LRP1B: variants seen among roughly 807,000 people sequenced by gnomAD.
LRP1B encodes the protein low-density lipoprotein receptor-related protein 1B.
A neutral mutation model predicts 556.6 loss-of-function variants in LRP1B; 217 were observed. The ratio of observed to expected loss-of-function variants is 0.39; its 90% CI spans 0.35 to 0.44. The LOEUF (loss-of-function observed/expected upper bound fraction) is 0.44, where lower values mean the gene tolerates loss of function less well. Ranked by LOEUF, LRP1B falls within the 20% of genes least tolerant of loss-of-function variation. LRP1B has a pLI of 1.00. For missense variants in LRP1B, 5,053 were observed against 5,620.8 expected (o/e 0.90, Z 3.23); for synonymous variants, 2,047 against 1,865.8 (o/e 1.10, Z -2.50).
At chr2:141,084,699 G>A (rs908655159) in intron 7 of LRP1B, among the ~76,000 whole-genome samples, 1 of 150,316 alleles carries the variant, frequency 6.7e-6, no homozygotes, top group Non-Finnish European at 1.5e-5. Context: ...CCCCAGACTG[G>A]AGTGCAGTGG....
chr2:141,263,075 C>A (rs978083002), intron 3 of LRP1B, among the ~76,000 whole-genome samples: 4 of 151,566 alleles, frequency 2.6e-5, no homozygotes, highest in African/African-American at 9.7e-5. Flanking sequence ...TTCATGAGTT[C>A]CCTGCATATA....
At chr2:140,905,441 C>G (rs1477557660) in intron 22 of LRP1B, among the ~76,000 whole-genome samples, 1 of 152,018 alleles carries the variant, frequency 6.6e-6, no homozygotes, top group Non-Finnish European at 1.5e-5. Context: ...CTTTCTGTGC[C>G]TTTTTGAGGT....
At chr2:141,068,630 A>G (rs547622573) in intron 7 of LRP1B, among the ~76,000 whole-genome samples, 5 of 150,122 alleles carry the variant, frequency 3.3e-5, no homozygotes, top group East Asian at 2.0e-4. Context: ...AGTTTTTCCT[A>G]TTGGCACAGT....
At chr2:140,930,990 T>A (rs1351806053) in intron 20 of LRP1B, among the ~76,000 whole-genome samples, 4 of 152,018 alleles carry the variant, frequency 2.6e-5, no homozygotes, top group African/African-American at 9.7e-5. Flanking sequence ...CCCTAAGGAG[T>A]TTAGCCTGCC....
At chr2:140,456,207 A>G (rs1033537545) in intron 62 of LRP1B, among the ~76,000 whole-genome samples, 3 of 152,058 alleles carry the variant, frequency 2.0e-5, no homozygotes, top group African/African-American at 7.2e-5. Context: ...TTGAGTCATT[A>G]TTTATGTGGA....
At chr2:141,530,507 A>G (rs1684834478) in intron 2 of LRP1B, among the ~76,000 whole-genome samples, 2 of 151,806 alleles carry the variant, frequency 1.3e-5, no homozygotes, top group Non-Finnish European at 2.9e-5. Flanking sequence ...AATATTTCTC[A>G]TGGGGACTAT....
chr2:140,635,282 A>G (rs74539106), intron 41 of LRP1B, among the ~76,000 whole-genome samples: 2,731 of 152,152 alleles, frequency 0.018, 47 homozygotes, highest in Admixed American at 0.047. Context: ...AGCAGAATGC[A>G]TGGCATATGA....
chr2:141,826,365 T>G (rs1210339211), intron 1 of LRP1B, among the ~76,000 whole-genome samples: 2 of 142,046 alleles, frequency 1.4e-5, no homozygotes, highest in Non-Finnish European at 3.1e-5. Flanking sequence ...TTTTTTTTTT[T>G]TTTTTTTTTT....
intron 66 of LRP1B, among the ~76,000 whole-genome samples, chr2:140,410,039 GA>G (rs1168176275): frequency 6.6e-6 from 1 of 151,698 alleles, no homozygotes; most frequent in Non-Finnish European, 1.5e-5. Flanking sequence ...CTGCATCAGA[GA>G]AAAAAATGGT....
At chr2:141,991,297 TCTC>T in intron 1 of LRP1B, among the ~76,000 whole-genome samples, 1 of 152,136 alleles carries the variant, frequency 6.6e-6, no homozygotes, top group Non-Finnish European at 1.5e-5. Context: ...CTTCTAAATT[TCTC>T]CAACAACTAT....
intron 1 of LRP1B, among the ~76,000 whole-genome samples, chr2:142,018,699 C>A (rs2105171559): frequency 6.6e-6 from 1 of 151,832 alleles, no homozygotes; most frequent in African/African-American, 2.4e-5. Context: ...AAAAATGTGC[C>A]CATGTCCATA....
chr2:141,870,198 A>T (rs984050094), intron 1 of LRP1B, among the ~76,000 whole-genome samples: 1 of 151,838 alleles, frequency 6.6e-6, no homozygotes, highest in Non-Finnish European at 1.5e-5. Context: ...CTTCCCTCAG[A>T]CTCAGTCTCT....
intron 2 of LRP1B, among the ~76,000 whole-genome samples, chr2:141,622,262 A>G (rs60466368): frequency 0.046 from 7,054 of 152,296 alleles, 191 homozygotes; most frequent in South Asian, 0.082. Flanking sequence ...TCTAAATTTT[A>G]AAAAATGAGA....
chr2:141,546,438 T>C (rs1685556949), intron 2 of LRP1B, among the ~76,000 whole-genome samples: 1 of 152,176 alleles, frequency 6.6e-6, no homozygotes, highest in Middle Eastern at 3.2e-3. Context: ...TCTTTTCTAC[T>C]TACCTGCTCT....
intron 1 of LRP1B, among the ~76,000 whole-genome samples, chr2:141,934,431 T>C (rs751505370): frequency 1.4e-4 from 21 of 152,270 alleles, no homozygotes; most frequent in Non-Finnish European, 2.8e-4. Context: ...CTGAGGAGGA[T>C]ACATACAAAG....
chr2:141,635,633 T>C (rs553616570), intron 2 of LRP1B, among the ~76,000 whole-genome samples: 1 of 152,302 alleles, frequency 6.6e-6, no homozygotes, highest in South Asian at 2.1e-4. Flanking sequence ...AAATGAAATA[T>C]GTCTAAATGT....
chr2:140,373,227 C>T (rs921456376), intron 68 of LRP1B, 90 bp from the exon 69 acceptor site: 2 of 1,060,816 alleles, frequency 1.9e-6, no homozygotes, highest in Non-Finnish European at 2.7e-6. Flanking sequence ...GTACAGAAAA[C>T]CTGGAACTGA....
intron 1 of LRP1B, among the ~76,000 whole-genome samples, chr2:141,993,788 C>CT (rs1702409625): frequency 6.6e-6 from 1 of 152,058 alleles, no homozygotes; most frequent in African/African-American, 2.4e-5. Context: ...TATAATTTAA[C>CT]TTTTTTTGAT....
chr2:141,150,225 T>G (rs1000691488), intron 7 of LRP1B, among the ~76,000 whole-genome samples: 1 of 152,168 alleles, frequency 6.6e-6, no homozygotes, highest in Non-Finnish European at 1.5e-5. Flanking sequence ...AATTGTCAAA[T>G]TACAGACACA....
Sources: gnomAD v4.1 joint callset for allele counts (sites outside exome capture counted in the v4.1 genomes callset) on GRCh38, gnomAD v4.1.1 for gene constraint, MANE v1.5 for transcripts, NCBI Gene and HGNC (gene_info 2026-07-23, HGNC 2026-07-21) for gene names.